The following SNTG1 variants were observed in gnomAD, a reference collection of about 807,000 sequenced individuals.
The protein encoded by SNTG1 is gamma-1-syntrophin.
In SNTG1, 39 loss-of-function variants were observed where a neutral mutation model predicts 74.7. That is an observed-to-expected ratio of 0.52 (90% CI 0.40 to 0.68). The LOEUF (loss-of-function observed/expected upper bound fraction) is 0.68. Among genes scored for constraint, SNTG1 ranks in the 30% least tolerant of loss-of-function variants. The probability of loss-of-function intolerance (pLI) is 0.00; values close to 1 mark genes in which losing one functional copy is unlikely to be tolerated. For missense variants in SNTG1, 685 were observed against 609.5 expected, an observed-to-expected ratio of 1.12 and a Z score of -1.30; for synonymous variants, 254 against 217.1, an observed-to-expected ratio of 1.17 and a Z score of -1.49.
intron 1 of SNTG1, among the ~76,000 whole-genome samples, chr8:49,969,350 A>C (rs1179709693): frequency 6.6e-6 from 1 of 151,458 alleles, no homozygotes; most frequent in Non-Finnish European, 1.5e-5. Context: ...ATTTACAAAA[A>C]TTCTCAAAAG....
intron 1 of SNTG1, among the ~76,000 whole-genome samples, chr8:49,932,253 T>C (rs1019494308): frequency 6.6e-6 from 1 of 152,168 alleles, no homozygotes; most frequent in South Asian, 2.1e-4. Context: ...ACACATTTGT[T>C]GAGTGAGTGA....
chr8:50,676,606 T>C (rs911007714), intron 15 of SNTG1, among the ~76,000 whole-genome samples: 2 of 151,956 alleles, frequency 1.3e-5, no homozygotes, highest in Non-Finnish European at 2.9e-5. Flanking sequence ...CGTTTCTGAT[T>C]CTTTTAGTTT....
At chr8:49,972,259 A>C (rs532744649) in intron 1 of SNTG1, among the ~76,000 whole-genome samples, 1 of 152,364 alleles carries the variant, frequency 6.6e-6, no homozygotes, top group African/African-American at 2.4e-5. Context: ...AAAACAAGAA[A>C]TGAGGAAAGG....
chr8:50,622,612 A>G (rs935490660), intron 13 of SNTG1, among the ~76,000 whole-genome samples: 3 of 152,118 alleles, frequency 2.0e-5, no homozygotes, highest in Admixed American at 6.6e-5. Context: ...TTTACCAATG[A>G]CATTTCCATA....
At chr8:50,228,285 A>G (rs150455038) in intron 2 of SNTG1, among the ~76,000 whole-genome samples, 28 of 152,112 alleles carry the variant, frequency 1.8e-4, no homozygotes, top group African/African-American at 6.0e-4. Context: ...CATCTAAGAA[A>G]TGTGAGACCA....
At chr8:50,726,674 C>A (rs1013616559) in intron 17 of SNTG1, among the ~76,000 whole-genome samples, 1 of 151,998 alleles carries the variant, frequency 6.6e-6, no homozygotes, top group African/African-American at 2.4e-5. Context: ...ACAGTGAAAC[C>A]CCGTCTCTAC....
At position 50,665,387 on chromosome 8, in the gene SNTG1, G is replaced by A. The variant is rs118031046; in HGVS notation, c.1038+6724G>A. 2.7e-3 allele frequency among the ~76,000 whole-genome samples: 414 copies of A among 152,096 alleles called. 6 individuals are homozygous for A. Among genetic ancestry groups the A allele is most frequent in the South Asian group, 0.021 (99 of 4,824 alleles). ...TTACAATTAGAAATATTGGTATGCA[G>A]CCTCAGTTTGTAGTGTGTGTTTGTG... On this transcript the variant is annotated intron_variant, in intron 15 of 18. Transcript: ENST00000642720.
At chr8:50,516,414 A>G (rs1472820228) in intron 9 of SNTG1, among the ~76,000 whole-genome samples, 2 of 152,220 alleles carry the variant, frequency 1.3e-5, no homozygotes, top group Admixed American at 1.3e-4. Context: ...ACTCCTCACC[A>G]GCAAGGGAAC....
chr8:50,601,537 T>G (rs1218443311), intron 13 of SNTG1, among the ~76,000 whole-genome samples: 1 of 152,090 alleles, frequency 6.6e-6, no homozygotes, highest in Non-Finnish European at 1.5e-5. Context: ...TTTTGTTAGC[T>G]GACATATGGT....
chr8:50,457,199 T>C (rs1300920202), intron 8 of SNTG1: 1 of 152,154 alleles, frequency 6.6e-6, no homozygotes, highest in African/African-American at 2.4e-5. Flanking sequence ...CTTAGGTCTT[T>C]TTCAGGTAAA....
intron 1 of SNTG1, among the ~76,000 whole-genome samples, chr8:49,992,451 G>A (rs1240963831): frequency 6.6e-6 from 1 of 152,116 alleles, no homozygotes; most frequent in Non-Finnish European, 1.5e-5. Flanking sequence ...TATTTCAAAT[G>A]TACAGAAATT....
chr8:50,672,076 G>C, intron 15 of SNTG1, among the ~76,000 whole-genome samples: 1 of 149,376 alleles, frequency 6.7e-6, no homozygotes, highest in Non-Finnish European at 1.5e-5. Context: ...GATAGCATTA[G>C]GAGATATATC....
At chr8:50,343,637 G>A (rs915170063) in intron 2 of SNTG1, among the ~76,000 whole-genome samples, 1 of 152,114 alleles carries the variant, frequency 6.6e-6, no homozygotes, top group African/African-American at 2.4e-5. Context: ...TAAGATTTGG[G>A]AAATGATTTA....
At chr8:50,287,414 T>A (rs564837711) in intron 2 of SNTG1, among the ~76,000 whole-genome samples, 1 of 152,186 alleles carries the variant, frequency 6.6e-6, no homozygotes, top group Non-Finnish European at 1.5e-5. Flanking sequence ...CCTTGATTCC[T>A]GAGCTTTCAT....
intron 13 of SNTG1, among the ~76,000 whole-genome samples, chr8:50,648,539 A>G (rs2095124733): frequency 6.6e-6 from 1 of 152,182 alleles, no homozygotes; most frequent in South Asian, 2.1e-4. Context: ...TCATCTTATT[A>G]CAATGACCCC....
chr8:50,777,372 CTTCTG>C (rs1455968957), intron 18 of SNTG1, among the ~76,000 whole-genome samples: 1 of 150,242 alleles, frequency 6.7e-6, no homozygotes, highest in Non-Finnish European at 1.5e-5. Context: ...TTCACTGACT[CTTCTG>C]TTCTCTTCTT....
At chr8:50,735,636 C>T (rs1392631758) in intron 17 of SNTG1, among the ~76,000 whole-genome samples, 2 of 151,832 alleles carry the variant, frequency 1.3e-5, no homozygotes, top group Non-Finnish European at 2.9e-5. Context: ...AAAGACCAAA[C>T]CTATGATTGA....
intron 2 of SNTG1, among the ~76,000 whole-genome samples, chr8:50,254,622 A>T (rs1901050): frequency 8.6e-5 from 13 of 151,938 alleles, no homozygotes; most frequent in Non-Finnish European, 1.9e-4. Flanking sequence ...GAGGCCAGTG[A>T]ATTACTTGAG....
In SNTG1 at chr8:50,122,751, G is replaced by A. The variant is rs188171536; in HGVS notation, c.-102-49810G>A. On this transcript the variant is annotated intron_variant, in intron 1 of 18. Transcript: ENST00000642720. ...ACTGATGATGAGTTGAAGGAGGATA[G>A]GAGTAGCACAGAGAAGAAATTCAAG... Among the ~76,000 whole-genome samples, 8 of 141,360 alleles carry A rather than the reference G, an allele frequency of 5.7e-5. 2 individuals carry two copies. Among genetic ancestry groups the A allele is most frequent in the Non-Finnish European group, 1.1e-4 (7 of 63,606 alleles). The allele number at this position is 141,360 out of a possible 152,430, so 92.7% of individuals were successfully genotyped here.
Sources: gnomAD v4.1 joint callset for allele counts (sites outside exome capture counted in the v4.1 genomes callset) on GRCh38, gnomAD v4.1.1 for gene constraint, MANE v1.5 for transcripts, NCBI Gene and HGNC (gene_info 2026-07-23, HGNC 2026-07-21) for gene names.